PDE1C: variants seen among roughly 807,000 people sequenced by gnomAD.
PDE1C encodes the protein phosphodiesterase 1C, also known as dual specificity calcium/calmodulin-dependent 3',5'-cyclic nucleotide phosphodiesterase 1C.
PDE1C carries 62 observed loss-of-function variants against 93.1 expected under a neutral mutation model. The ratio of observed to expected loss-of-function variants is 0.67; its 90% confidence interval spans 0.54 to 0.82. The LOEUF (loss-of-function observed/expected upper bound fraction) is 0.82. PDE1C is among the 40% of genes least tolerant of loss of function. The pLI is 0.00. For missense variants in PDE1C, 742 were observed against 884.6 expected, an observed-to-expected ratio of 0.84 and a Z score of 2.04; for synonymous variants, 325 against 310.1, an observed-to-expected ratio of 1.05 and a Z score of -0.50.
At chr7:31,703,167 T>A in the PDE1C span, among the ~76,000 whole-genome samples, 1 of 152,370 alleles carries the variant, frequency 6.6e-6, no homozygotes, top group East Asian at 1.9e-4. Context: ...CTCTTGGCTA[T>A]CAAAAACTCT....
intron 5 of PDE1C, among the ~76,000 whole-genome samples, chr7:31,874,810 AGT>A (rs1472554162): frequency 6.6e-6 from 1 of 152,260 alleles, no homozygotes; most frequent in Non-Finnish European, 1.5e-5. Flanking sequence ...TGCTAGGCAC[AGT>A]GTGAGTGTTT....
intron 1 of PDE1C, among the ~76,000 whole-genome samples, chr7:32,391,309 C>G (rs1224378564): frequency 6.6e-6 from 1 of 152,072 alleles, no homozygotes; most frequent in Non-Finnish European, 1.5e-5. Flanking sequence ...GAAGATATAG[C>G]AATTCTATAC....
chr7:32,176,284 T>C (rs995856387), intron 2 of PDE1C, among the ~76,000 whole-genome samples: 6 of 151,954 alleles, frequency 3.9e-5, no homozygotes, highest in Admixed American at 3.9e-4. Flanking sequence ...CAAGATCCAT[T>C]ATAAGTGAAA....
intron 17 of PDE1C, among the ~76,000 whole-genome samples, chr7:31,767,666 C>T (rs1795227933): frequency 1.3e-5 from 2 of 152,178 alleles, no homozygotes; most frequent in Non-Finnish European, 2.9e-5. Context: ...GCTGCTATAA[C>T]AAAGTACTGT....
chr7:31,642,146 A>G, the PDE1C span: 4 of 1,517,538 alleles, frequency 2.6e-6, no homozygotes, highest in Non-Finnish European at 3.6e-6. Context: ...TTTTCCCTTT[A>G]ATAACCTCAA....
chr7:31,643,750 C>T, the PDE1C span: 1 of 1,614,024 alleles, frequency 6.2e-7, no homozygotes, highest in South Asian at 1.1e-5. Context: ...TAGTATCTGC[C>T]CAATGGGCAC....
At chr7:31,764,658 T>C (rs572028871) in intron 17 of PDE1C, among the ~76,000 whole-genome samples, 5 of 152,330 alleles carry the variant, frequency 3.3e-5, no homozygotes, top group African/African-American at 9.6e-5. Flanking sequence ...GAGTCACTCA[T>C]TGGAAGCCAT....
At chr7:32,168,279 A>C (rs1202870852) in intron 3 of PDE1C, among the ~76,000 whole-genome samples, 1 of 152,220 alleles carries the variant, frequency 6.6e-6, no homozygotes, top group African/African-American at 2.4e-5. Flanking sequence ...ACACGTTACA[A>C]CTAACAGACC....
chr7:31,707,240 T>G, the PDE1C span: 26 of 1,613,952 alleles, frequency 1.6e-5, no homozygotes, highest in Non-Finnish European at 2.1e-5. Flanking sequence ...CCCAAAGCAA[T>G]CGTGGAAGAT....
chr7:31,691,681 G>A, the PDE1C span, among the ~76,000 whole-genome samples: 1 of 150,096 alleles, frequency 6.7e-6, no homozygotes, highest in African/African-American at 2.5e-5. Context: ...TCCCTAGGGA[G>A]AAAATAAAGA....
the PDE1C span, chr7:31,686,813 AG>A: frequency 5.9e-5 from 9 of 152,210 alleles, no homozygotes; most frequent in African/African-American, 1.4e-4. Context: ...TCCTCATGAT[AG>A]TACTTTGAGA....
At chr7:31,732,631 T>TC in the PDE1C span, among the ~76,000 whole-genome samples, 5 of 110,380 alleles carry the variant, frequency 4.5e-5, no homozygotes, top group African/African-American at 1.9e-4. Context: ...CTCTCTCTCC[T>TC]CTCTTTCTGT....
At chr7:32,167,236 A>T (rs182465278) in intron 3 of PDE1C, among the ~76,000 whole-genome samples, 136 of 152,348 alleles carry the variant, frequency 8.9e-4, no homozygotes, top group African/African-American at 3.1e-3. Flanking sequence ...CTAAATGCAA[A>T]TATTAAACAA....
chr7:31,702,999 T>A, the PDE1C span, among the ~76,000 whole-genome samples: 3 of 152,228 alleles, frequency 2.0e-5, no homozygotes, highest in African/African-American at 7.2e-5. Context: ...CTAGGTTTCA[T>A]CCCTGGTTCT....
intron 2 of PDE1C, among the ~76,000 whole-genome samples, chr7:32,199,555 TCAACA>T (rs1180070670): frequency 6.6e-6 from 1 of 152,212 alleles, no homozygotes; most frequent in Non-Finnish European, 1.5e-5. Flanking sequence ...TTAGTCCTAT[TCAACA>T]CAGTTGGTAA....
At chr7:31,903,867 A>G (rs1800269197) in intron 2 of PDE1C, among the ~76,000 whole-genome samples, 1 of 152,166 alleles carries the variant, frequency 6.6e-6, no homozygotes, top group African/African-American at 2.4e-5. Flanking sequence ...CTTTAGTCAA[A>G]GGACCAATAT....
At chr7:32,425,926 G>C (rs1306497535) in intron 1 of PDE1C, among the ~76,000 whole-genome samples, 1 of 152,006 alleles carries the variant, frequency 6.6e-6, no homozygotes, top group African/African-American at 2.4e-5. Flanking sequence ...CTGGATGACA[G>C]AGCAAGACCC....
chr7:31,961,449 A>G (rs1808953301), intron 2 of PDE1C, among the ~76,000 whole-genome samples: 1 of 152,052 alleles, frequency 6.6e-6, no homozygotes, highest in Non-Finnish European at 1.5e-5. Flanking sequence ...CATATTTCAT[A>G]TTTATTTTAT....
At chr7:31,798,982 G>A (rs994958111) in intron 16 of PDE1C, among the ~76,000 whole-genome samples, 1 of 151,656 alleles carries the variant, frequency 6.6e-6, no homozygotes, top group African/African-American at 2.4e-5. Context: ...TAAGTAGTAT[G>A]GGGACATTTT....
Sources: gnomAD v4.1 joint callset for allele counts (sites outside exome capture counted in the v4.1 genomes callset) on GRCh38, gnomAD v4.1.1 for gene constraint, MANE v1.5 for transcripts, NCBI Gene and HGNC (gene_info 2026-07-23, HGNC 2026-07-21) for gene names.